Variants in IQCF6 observed in about 807,000 individuals in gnomAD.
IQCF6 encodes IQ motif containing F6, also known as IQ domain-containing protein F6.
A neutral mutation model predicts 16.8 loss-of-function variants in IQCF6; 15 were observed. That is an observed-to-expected ratio of 0.89 (90% CI 0.60 to 1.37). The LOEUF is 1.37. IQCF6 is among the 40% of genes most tolerant of loss of function. IQCF6 has a pLI of 0.00. For synonymous variants in IQCF6, 64 were observed against 72.8 expected (o/e 0.88, Z 0.61); for missense variants, 169 against 197.4 (o/e 0.86, Z 0.86).
intron 1 of IQCF6, 49 bp from the exon 2 acceptor site, chr3:51,779,040 C>T: frequency 6.8e-7 from 1 of 1,471,952 alleles, no homozygotes; most frequent in African/African-American, 1.4e-5. Flanking sequence ...GGGGACCCTC[C>T]CCTCCTGTTC....
At position 51,778,946 on chromosome 3, in the gene IQCF6, T is replaced by C. The variant is rs1704817028; in HGVS notation, c.118A>G (p.Met40Val). The C allele has an allele frequency of 1.9e-6, 3 of 1,546,828 alleles. No individual in the cohort carries two copies. Among genetic ancestry groups the C allele is most frequent in the East Asian group, 2.5e-5 (1 of 40,738 alleles). Residue 40 changes from methionine to valine, a missense_variant, in exon 2 of 2, where the codon ATG becomes GTG. By Grantham distance (21) the Met-to-Val change is conservative (BLOSUM62 1). Coordinates refer to ENST00000667863, the MANE Select transcript of IQCF6 (RefSeq NM_001368369.1). ...GCCTGCAGTAACGTCCGGCGCACCA[T>C]GTTTCCACGCCACCATGACTGAATC... is the stretch of plus-strand genomic sequence containing the variant. ...IKIQSWWRGN[M>V]VRRTLLQAAL...
chr3:51,778,641 G>A lies in IQCF6; in HGVS notation c.423C>T (p.Ile141=), dbSNP rs779987231. The stretch of plus-strand genomic sequence containing the variant: ...CAGCGCCCTAGGTCATGAGGATTTC[G>A]ATGTCAAGCTCCAGCCGGCTGGCTC... The part of the protein sequence containing the change: ...EVRASRLELD[I]EILMT The change falls in exon 2 of 2, where the codon ATC becomes ATT. Residue 141 remains isoleucine, a synonymous_variant. Coordinates refer to ENST00000667863, the MANE Select transcript of IQCF6 (RefSeq NM_001368369.1). 1.3e-5 allele frequency: 20 copies of A among 1,539,338 alleles called. No homozygotes were observed. The Admixed American group carries it at 2.6e-4, about 20-fold the overall frequency.
intron 1 of IQCF6, 22 bp from the exon 2 acceptor site, chr3:51,779,013 CAG>C (rs1704819123): frequency 1.3e-6 from 2 of 1,501,234 alleles, no homozygotes. Flanking sequence ...AAAGGAAAAA[CAG>C]GGAGATGCTC....
In IQCF6 at chr3:51,778,686, G is replaced by C; in HGVS notation, c.378C>G (p.Ile126Met). 1 of 1,550,866 alleles carries C rather than the reference G, an allele frequency of 6.4e-7. No homozygotes were observed. The change falls in exon 2 of 2, where the codon ATC becomes ATG. Residue 126 changes from isoleucine to methionine, a missense_variant. Coordinates refer to ENST00000667863, the MANE Select transcript of IQCF6 (RefSeq NM_001368369.1). Reference protein sequence around the residue: ...RWHASQTRGLIRGHYEVRASR... With the variant: ...RWHASQTRGLMRGHYEVRASR... ...TGGCTCTGACCTCATAGTGGCCCCG[G>C]ATCAGGCCTCGGGTTTGGCTGGCAT...
chr3:51,779,032 G>A lies in IQCF6; in HGVS notation c.73-41C>T. 2.0e-6 allele frequency: 3 copies of A among 1,488,840 alleles called. No individual in the cohort carries two copies. The South Asian group carries it at 4.0e-5, about 20-fold the overall frequency. The allele number at this position is 1,488,840 out of a possible 1,614,324, so 92.2% of individuals were successfully genotyped here. ...GAAAAACAGGGAGATGCTCAATGGG[G>A]GACCCTCCCCTCCTGTTCCTATCCC... On this transcript the variant is annotated intron_variant, in intron 1 of 1. Transcript: ENST00000667863.
Position 51,779,203 on chromosome 3 carries a change from T to TA in IQCF6, c.21dup (p.Lys8Ter), listed in dbSNP as rs928580970. 9.5e-6 allele frequency: 13 copies of TA among 1,375,030 alleles called. No homozygotes were observed. Among genetic ancestry groups the TA allele is most frequent in the Admixed American group, 3.0e-5 (1 of 32,980 alleles). 85.2% of individuals were successfully genotyped at this position (1,375,030 alleles called of 1,614,324 possible). Reference sequence around the variant, plus strand: ...AGGTAAGTCCCTACTGCAAGGGCCTTACTCACATTTTGCGTGTCCATGGCC... The same window carrying TA: ...AGGTAAGTCCCTACTGCAAGGGCCTTAACTCACATTTTGCGTGTCCATGGCC... On this transcript the variant is annotated frameshift_variant, in exon 1 of 2. Transcript: ENST00000667863. LOFTEE classifies it high-confidence loss of function.
intron 1 of IQCF6, 38 bp downstream of exon 1, chr3:51,779,115 C>A (rs1021491038): frequency 5.3e-5 from 76 of 1,433,366 alleles, no homozygotes; most frequent in Non-Finnish European, 6.4e-5. Context: ...CTTCTTGTTT[C>A]TAGGGCCCAT....
chr3:51,779,097 G>A, intron 1 of IQCF6, 56 bp downstream of exon 1: 2 of 1,434,112 alleles, frequency 1.4e-6, no homozygotes, highest in Non-Finnish European at 9.1e-7. Context: ...TGGCCCAGGT[G>A]CCCCTGACTT....
intron 1 of IQCF6, 34 bp from the exon 2 acceptor site, chr3:51,779,025 C>T: frequency 6.7e-7 from 1 of 1,491,860 alleles, no homozygotes; most frequent in Non-Finnish European, 9.0e-7. Flanking sequence ...GGGAGATGCT[C>T]AATGGGGGAC....
chr3:51,779,024 T>C lies in IQCF6; in HGVS notation c.73-33A>G. On this transcript the variant is annotated intron_variant, in intron 1 of 1. Transcript: ENST00000667863. ...GGGGAAAGGAAAAACAGGGAGATGC[T>C]CAATGGGGGACCCTCCCCTCCTGTT... The C allele has an allele frequency of 4.0e-6, 6 of 1,493,814 alleles. No individual in the cohort carries two copies. In the South Asian group the frequency reaches 8.0e-5, roughly 20 times the overall value. 92.5% of individuals were successfully genotyped at this position (1,493,814 alleles called of 1,614,324 possible). A position where few individuals can be genotyped will look rare whatever the true frequency, so the allele number is the denominator to read the frequency against.
chr3:51,778,816 C>T lies in IQCF6; in HGVS notation c.248G>A (p.Trp83Ter). ...CTGTGCCTGCACCTTCACCACCGCC[C>T]ACTCCTGGCAGGTATAGAGTCTTAG... ...LALRLYTCQEWAVVKVQAQVR... is the reference protein window; with the variant it reads ...LALRLYTCQE Residue 83 changes from tryptophan (W) to a stop codon, truncating the protein, a stop_gained, in exon 2 of 2, where the codon TGG becomes TAG. Coordinates refer to ENST00000667863, the MANE Select transcript of IQCF6 (RefSeq NM_001368369.1). LOFTEE classifies it high-confidence loss of function. 1.3e-6 allele frequency: 2 copies of T among 1,551,876 alleles called. No individual in the cohort carries two copies. The highest frequency in any genetic ancestry group is 1.7e-6 in the Non-Finnish European group (2 of 1,147,032).
chr3:51,778,874 C>A lies in IQCF6; in HGVS notation c.190G>T (p.Ala64Ser). Residue 64 changes from alanine to serine, a missense_variant, in exon 2 of 2, where the codon GCC becomes TCC. Transcript: ENST00000667863. ...CGCCGTCTTTGCTCCAACATCTTGG[C>A]CTGCATTGACCTCCACCAGCACTGG... ...VIQCWWRSMQ[A>S]KMLEQRRRLA... The A allele has an allele frequency of 6.4e-7, 1 of 1,552,052 alleles. No individual in the cohort carries two copies. The highest frequency in any genetic ancestry group is 2.4e-5 in the East Asian group (1 of 40,918).
Position 51,778,728 on chromosome 3 carries a change from C to T in IQCF6, c.336G>A (p.Gln112=), listed in dbSNP as rs1409185122. 6.4e-7 allele frequency: 1 copy of T among 1,551,672 alleles called. No homozygotes were observed. Among genetic ancestry groups the T allele is most frequent in the Non-Finnish European group, 8.7e-7 (1 of 1,146,960 alleles). ...LQARQAACII[Q]SHWRWHASQT... ...GGCTGGCATGCCAGCGCCAGTGAGA[C>T]TGGATGATGCAGGCCGCTTGGCGTG... The change falls in exon 2 of 2, where the codon CAG becomes CAA. Residue 112 remains glutamine, a synonymous_variant. Coordinates refer to ENST00000667863, the MANE Select transcript of IQCF6 (RefSeq NM_001368369.1).
Position 51,778,702 on chromosome 3 carries a change from TG to T in IQCF6, c.361del (p.Gln121LysfsTer5). On this transcript the variant is annotated frameshift_variant, in exon 2 of 2. Coordinates refer to ENST00000667863, the MANE Select transcript of IQCF6 (RefSeq NM_001368369.1). LOFTEE classifies it high-confidence loss of function. ...GTGGCCCCGGATCAGGCCTCGGGTTTGGCTGGCATGCCAGCGCCAGTGAGAC... is the reference window on the plus strand; with the variant it reads ...GTGGCCCCGGATCAGGCCTCGGGTTTGCTGGCATGCCAGCGCCAGTGAGAC... ...IQSHWRWHAS[Q>X]TRGLIRGHYE... The T allele has an allele frequency of 1.3e-6, 2 of 1,551,532 alleles. No homozygotes were observed. Among genetic ancestry groups the T allele is most frequent in the Non-Finnish European group, 1.7e-6 (2 of 1,146,826 alleles).
Position 51,778,729 on chromosome 3 carries a change from T to C in IQCF6, c.335A>G (p.Gln112Arg). Residue 112 changes from glutamine to arginine, a missense_variant, in exon 2 of 2, where the codon CAG becomes CGG. Coordinates refer to ENST00000667863, the MANE Select transcript of IQCF6 (RefSeq NM_001368369.1). Reference protein sequence around the residue: ...LQARQAACIIQSHWRWHASQT... With the variant: ...LQARQAACIIRSHWRWHASQT... ...GCTGGCATGCCAGCGCCAGTGAGACTGGATGATGCAGGCCGCTTGGCGTGC... is the reference window on the plus strand; with the variant it reads ...GCTGGCATGCCAGCGCCAGTGAGACCGGATGATGCAGGCCGCTTGGCGTGC... 6.4e-7 allele frequency: 1 copy of C among 1,551,676 alleles called. No homozygotes were observed. Among genetic ancestry groups the C allele is most frequent in the Non-Finnish European group, 8.7e-7 (1 of 1,146,954 alleles).
chr3:51,778,675 T>G lies in IQCF6; in HGVS notation c.389A>C (p.Tyr130Ser), dbSNP rs60093028. The change falls in exon 2 of 2, where the codon TAT (tyrosine) becomes TCT (serine). Residue 130 changes from tyrosine to serine, a missense_variant. Coordinates refer to ENST00000667863, the MANE Select transcript of IQCF6 (RefSeq NM_001368369.1). ...CTCCAGCCGGCTGGCTCTGACCTCA[T>G]AGTGGCCCCGGATCAGGCCTCGGGT... ...SQTRGLIRGH[Y>S]EVRASRLELD... is the part of the protein sequence containing the mutation. 1 of 1,549,790 alleles carries G rather than the reference T, an allele frequency of 6.5e-7. No homozygotes were observed. Among genetic ancestry groups the G allele is most frequent in the Non-Finnish European group, 8.7e-7 (1 of 1,145,572 alleles).
Position 51,778,772 on chromosome 3 carries a change from G to A in IQCF6, c.292C>T (p.Arg98Cys), listed in dbSNP as rs200453077. 1.9e-4 allele frequency: 302 copies of A among 1,551,602 alleles called. 1 individual carries two copies. The African/African-American group carries it at 3.1e-3, about 16-fold the overall frequency. The change falls in exon 2 of 2, where the codon CGC becomes TGC. Residue 98 changes from arginine (R) to cysteine (C), a missense_variant. By Grantham distance (180) the Arg-to-Cys change is radical (BLOSUM62 -3). Transcript: ENST00000667863. ...VQAQVRMWQA[R>C]RRFLQARQAA... ...TGGCGTGCCTGGAGGAACCGCCTGC[G>A]GGCCTGCCACATTCGAACCTGTGCC...
Position 51,778,975 on chromosome 3 carries a change from A to C in IQCF6, c.89T>G (p.Ile30Arg). 6.5e-7 allele frequency: 1 copy of C among 1,537,812 alleles called. No individual in the cohort carries two copies. Among genetic ancestry groups the C allele is most frequent in the Middle Eastern group, 1.7e-4 (1 of 5,936 alleles). ...EPCLNLEKTA[I>R]KIQSWWRGNM... Reference sequence around the variant, plus strand: ...TCCACGCCACCATGACTGAATCTTTATGGCTGTCTTCTCTAACTGATTGGG... The same window carrying C: ...TCCACGCCACCATGACTGAATCTTTCTGGCTGTCTTCTCTAACTGATTGGG... The change falls in exon 2 of 2, where the codon ATA (isoleucine) becomes AGA (arginine). Residue 30 changes from isoleucine to arginine, a missense_variant. Transcript: ENST00000667863.
In IQCF6 at chr3:51,778,703, G is replaced by A. The variant is rs760753241; in HGVS notation, c.361C>T (p.Gln121Ter). The change falls in exon 2 of 2, where the codon CAA (glutamine) becomes TAA (stop). Residue 121 changes from glutamine to a stop codon, truncating the protein, a stop_gained. Transcript: ENST00000667863. LOFTEE classifies it high-confidence loss of function. ...TGGCCCCGGATCAGGCCTCGGGTTT[G>A]GCTGGCATGCCAGCGCCAGTGAGAC... The part of the protein sequence containing the change: ...IQSHWRWHAS[Q>*]TRGLIRGHYE... The A allele has an allele frequency of 1.3e-6, 2 of 1,551,490 alleles. No homozygotes were observed. Among genetic ancestry groups the A allele is most frequent in the Middle Eastern group, 1.7e-4 (1 of 5,992 alleles).
Sources: gnomAD v4.1 joint callset for allele counts on GRCh38, gnomAD v4.1.1 for gene constraint, MANE v1.5 for transcripts, NCBI Gene and HGNC (gene_info 2026-07-23, HGNC 2026-07-21) for gene names.